The following BMPR1B variants were observed in gnomAD, a reference collection of about 807,000 sequenced individuals.
BMPR1B encodes the protein bone morphogenetic protein receptor type-1B.
BMPR1B carries 12 observed loss-of-function variants against 59.1 expected under a neutral mutation model. That is an observed-to-expected ratio of 0.20 (90% CI 0.13 to 0.33). BMPR1B has a LOEUF of 0.33. Ranked by LOEUF, BMPR1B falls within the 10% of genes least tolerant of loss-of-function variation. The pLI, the probability that BMPR1B is intolerant of heterozygous loss-of-function variation, is 1.00. For synonymous variants in BMPR1B, 237 were observed against 207.3 expected, an observed-to-expected ratio of 1.14 and a Z score of -1.23; for missense variants, 550 against 610.9, an observed-to-expected ratio of 0.90 and a Z score of 1.05.
chr4:95,014,588 G>A (rs957741090), intron 3 of BMPR1B, among the ~76,000 whole-genome samples: 2 of 152,160 alleles, frequency 1.3e-5, no homozygotes, highest in Admixed American at 1.3e-4. Context: ...GCTTGGGCAT[G>A]ATTGCATTCT....
chr4:94,814,904 T>C (rs1723950708), intron 1 of BMPR1B, among the ~76,000 whole-genome samples: 1 of 152,104 alleles, frequency 6.6e-6, no homozygotes, highest in Non-Finnish European at 1.5e-5. Context: ...TTATTTCTTT[T>C]CCTTTATTTT....
intron 1 of BMPR1B, among the ~76,000 whole-genome samples, chr4:94,780,878 T>C (rs547217252): frequency 1.3e-5 from 2 of 151,866 alleles, no homozygotes; most frequent in South Asian, 2.1e-4. Context: ...TTAGTAGAGA[T>C]GGGGTTTCAC....
intron 3 of BMPR1B, among the ~76,000 whole-genome samples, chr4:95,058,566 T>C (rs1454630496): frequency 1.3e-5 from 2 of 152,180 alleles, no homozygotes; most frequent in African/African-American, 4.8e-5. Flanking sequence ...ACAGGACATC[T>C]TAAAATTTTT....
At chr4:95,056,263 A>G (rs940435687) in intron 3 of BMPR1B, among the ~76,000 whole-genome samples, 3 of 152,152 alleles carry the variant, frequency 2.0e-5, no homozygotes, top group African/African-American at 7.2e-5. Flanking sequence ...AAAAGTGAAT[A>G]GTAAAATACA....
At position 94,924,794 on chromosome 4, in the gene BMPR1B, G is replaced by A. The variant is rs377531840; in HGVS notation, c.-113+48894G>A. On this transcript the variant is annotated intron_variant, in intron 2 of 12. Transcript: ENST00000515059. ...CATATCACTGAGGATGTGAGTCTTT[G>A]GTTATTTGTTGAACCACTGAATCAG... is the stretch of plus-strand genomic sequence containing the variant. 3.3e-5 allele frequency among the ~76,000 whole-genome samples: 5 copies of A among 152,138 alleles called. No homozygotes were observed. The South Asian group carries it at 1.0e-3, about 32-fold the overall frequency.
chr4:95,116,735 C>T (rs772404512), intron 6 of BMPR1B, among the ~76,000 whole-genome samples: 4 of 151,812 alleles, frequency 2.6e-5, no homozygotes, highest in African/African-American at 4.8e-5. Context: ...CCACCTCAGC[C>T]TCCCCAGTAG....
intron 1 of BMPR1B, among the ~76,000 whole-genome samples, chr4:94,778,367 C>T (rs983866659): frequency 1.3e-5 from 2 of 152,116 alleles, no homozygotes; most frequent in African/African-American, 4.8e-5. Context: ...TTACTTTTCC[C>T]TTCAAATTTA....
Position 94,987,563 on chromosome 4 carries a change from G to A in BMPR1B, c.-112-8477G>A, listed in dbSNP as rs368011642. Among the ~76,000 whole-genome samples, 352 of 151,760 alleles carry A rather than the reference G, an allele frequency of 2.3e-3. 1 individual carries two copies. In the Middle Eastern group the frequency reaches 0.024, roughly 10 times the overall value. On this transcript the variant is annotated intron_variant, in intron 2 of 12. Transcript: ENST00000515059. ...GTTTTTGCTGAGTCCCTCCTTCCTG[G>A]GATTTTCCCCTTTCCATTCTGATGT...
chr4:94,770,866 T>TA (rs1722158977), intron 1 of BMPR1B, among the ~76,000 whole-genome samples: 1 of 138,522 alleles, frequency 7.2e-6, no homozygotes, highest in Admixed American at 7.6e-5. Flanking sequence ...AGTTTTAACT[T>TA]ACCGAGACAT....
chr4:94,970,762 A>T (rs545166775), intron 2 of BMPR1B, among the ~76,000 whole-genome samples: 1 of 152,314 alleles, frequency 6.6e-6, no homozygotes, highest in African/African-American at 2.4e-5. Flanking sequence ...ATCACCTGAA[A>T]CACCTATCAT....
At chr4:94,890,744 G>C (rs762327189) in intron 2 of BMPR1B, among the ~76,000 whole-genome samples, 3 of 152,042 alleles carry the variant, frequency 2.0e-5, no homozygotes, top group Admixed American at 6.6e-5. Flanking sequence ...GGTGAAGAGA[G>C]ACAGTGCATG....
intron 8 of BMPR1B, among the ~76,000 whole-genome samples, chr4:95,125,657 T>C (rs1579120706): frequency 6.6e-6 from 1 of 152,282 alleles, no homozygotes. Context: ...TATTTTTTTC[T>C]AAAAGAGATG....
At chr4:95,039,725 C>G (rs1386916253) in intron 3 of BMPR1B, among the ~76,000 whole-genome samples, 1 of 152,192 alleles carries the variant, frequency 6.6e-6, no homozygotes, top group Non-Finnish European at 1.5e-5. Flanking sequence ...AGGCTCAACA[C>G]AAATTTGTAA....
At chr4:94,834,190 GGTGA>G (rs1331484877) in intron 1 of BMPR1B, among the ~76,000 whole-genome samples, 1 of 152,128 alleles carries the variant, frequency 6.6e-6, no homozygotes, top group Non-Finnish European at 1.5e-5. Context: ...GCCTGTCTGC[GGTGA>G]GTATCAGCAG....
intron 1 of BMPR1B, among the ~76,000 whole-genome samples, chr4:94,758,629 G>A (rs1721626041): frequency 6.6e-6 from 1 of 152,112 alleles, no homozygotes; most frequent in South Asian, 2.1e-4. Flanking sequence ...TGCGCAGCGG[G>A]CTGGTCCCGG....
chr4:95,029,118 T>TGA (rs1258930422), intron 3 of BMPR1B, among the ~76,000 whole-genome samples: 2 of 152,048 alleles, frequency 1.3e-5, no homozygotes, highest in African/African-American at 4.8e-5. Flanking sequence ...TTACTATACT[T>TGA]TAAGTTTTAG....
chr4:95,149,055 A>G lies in BMPR1B; in HGVS notation c.1252+132A>G, dbSNP rs1734848388. On this transcript the variant is annotated intron_variant, in intron 11 of 12. Coordinates refer to ENST00000515059, the MANE Select transcript of BMPR1B (RefSeq NM_001203.3). Reference sequence around the variant, plus strand: ...TTTTCCCCTTTATTTCTGTTGATGCAGTCATAGTGCTTCCAGGAAATTATA... The same window carrying G: ...TTTTCCCCTTTATTTCTGTTGATGCGGTCATAGTGCTTCCAGGAAATTATA... The G allele has an allele frequency of 2.0e-5, 23 of 1,166,776 alleles. No homozygotes were observed. The East Asian group carries it at 5.1e-4, about 26-fold the overall frequency. The allele number at this position is 1,166,776 out of a possible 1,614,324, so 72.3% of individuals were successfully genotyped here. A position where few individuals can be genotyped will look rare whatever the true frequency, so the allele number is the denominator to read the frequency against.
intron 10 of BMPR1B, among the ~76,000 whole-genome samples, chr4:95,135,884 A>C (rs2149308199): frequency 6.6e-6 from 1 of 152,300 alleles, no homozygotes; most frequent in African/African-American, 2.4e-5. Context: ...CTTTGGCCAG[A>C]ACTTCCAACA....
chr4:95,103,168 A>T (rs1730949250), intron 3 of BMPR1B, among the ~76,000 whole-genome samples: 1 of 151,880 alleles, frequency 6.6e-6, no homozygotes, highest in Non-Finnish European at 1.5e-5. Context: ...TCTTTCAACT[A>T]TTTTTTTCTG....
Sources: gnomAD v4.1 joint callset for allele counts (sites outside exome capture counted in the v4.1 genomes callset) on GRCh38, gnomAD v4.1.1 for gene constraint, MANE v1.5 for transcripts, NCBI Gene and HGNC (gene_info 2026-07-23, HGNC 2026-07-21) for gene names.